Variants in ARHGAP20 observed in about 807,000 individuals in gnomAD.
ARHGAP20 encodes the protein Rho GTPase activating protein 20, also known as rho GTPase-activating protein 20.
ARHGAP20 carries 34 observed loss-of-function variants against 73.7 expected under a neutral mutation model. The ratio of observed to expected loss-of-function variants is 0.46; its 90% CI spans 0.35 to 0.61. The LOEUF (loss-of-function observed/expected upper bound fraction) is 0.61, where lower values mean the gene tolerates loss of function less well. ARHGAP20 is among the 20% of genes least tolerant of loss of function. The pLI is 0.00. For synonymous variants in ARHGAP20, 523 were observed against 518.2 expected (o/e 1.01, Z -0.13); for missense variants, 1,314 against 1,420.9 (o/e 0.92, Z 1.21).
intron 1 of ARHGAP20, chr11:110,711,702 C>T: frequency 7.0e-7 from 1 of 1,438,550 alleles, no homozygotes; most frequent in Non-Finnish European, 9.1e-7. Flanking sequence ...ATCGCCGGCC[C>T]TGACTTTGGG....
Position 110,598,902 on chromosome 11 carries a change from G to A in ARHGAP20, c.965-6747C>T, listed in dbSNP as rs563369379. ...GAGCAGGTGGGAGCCCTGCCCTCCC[G>A]GGTGGAGGTGCAGCCATCTGAGTTG... On this transcript the variant is annotated intron_variant, in intron 9 of 14. Transcript: ENST00000683387. Among the ~76,000 whole-genome samples, 256 of 151,310 alleles carry A rather than the reference G, an allele frequency of 1.7e-3. 1 individual carries two copies. The highest frequency in any genetic ancestry group is 5.0e-3 in the African/African-American group (205 of 41,216).
chr11:110,628,703 G>T (rs1367849535), intron 3 of ARHGAP20, among the ~76,000 whole-genome samples: 5 of 152,080 alleles, frequency 3.3e-5, no homozygotes, highest in African/African-American at 7.2e-5. Flanking sequence ...TCAATTGATA[G>T]AATTTTTTTC....
chr11:110,646,501 T>C (rs1949196767), intron 2 of ARHGAP20, among the ~76,000 whole-genome samples: 1 of 152,180 alleles, frequency 6.6e-6, no homozygotes, highest in Non-Finnish European at 1.5e-5. Context: ...CATTAGAGGC[T>C]TTGAAATAAA....
At chr11:110,649,444 G>A (rs896763068) in intron 2 of ARHGAP20, among the ~76,000 whole-genome samples, 3 of 151,974 alleles carry the variant, frequency 2.0e-5, no homozygotes, top group Middle Eastern at 3.4e-3. Flanking sequence ...AATATGTATT[G>A]AAAACAAAGT....
At chr11:110,672,499 T>C (rs1253037451) in intron 2 of ARHGAP20, among the ~76,000 whole-genome samples, 1 of 152,054 alleles carries the variant, frequency 6.6e-6, no homozygotes, top group Non-Finnish European at 1.5e-5. Flanking sequence ...TCTTTCGAGA[T>C]GGAGTCTTGT....
rs1165030128 is a variant in ARHGAP20, at chr11:110,656,101, T to A, written c.189-25309A>T. Reference sequence around the variant, plus strand: ...GATGCTAGAGAGTTTTTCTCACTGTTGATGCTCTCTCTACTTTCAACTTTC... The same window carrying A: ...GATGCTAGAGAGTTTTTCTCACTGTAGATGCTCTCTCTACTTTCAACTTTC... On this transcript the variant is annotated intron_variant, in intron 2 of 14. Transcript: ENST00000683387. Among the ~76,000 whole-genome samples, 4 of 152,292 alleles carry A rather than the reference T, an allele frequency of 2.6e-5. No individual in the cohort carries two copies. The South Asian group carries it at 8.3e-4, about 32-fold the overall frequency.
intron 2 of ARHGAP20, among the ~76,000 whole-genome samples, chr11:110,657,787 C>T (rs565894990): frequency 2.0e-5 from 3 of 151,672 alleles, no homozygotes; most frequent in East Asian, 1.9e-4. Context: ...CCCAGCTACA[C>T]GGGAGGCTAA....
intron 4 of ARHGAP20, 87 bp from the exon 5 acceptor site, chr11:110,615,681 T>C (rs983325675): frequency 4.1e-5 from 51 of 1,231,558 alleles, no homozygotes; most frequent in Non-Finnish European, 5.9e-5. Context: ...CAGATGAAAA[T>C]ATCAACAACC....
chr11:110,699,461 T>C (rs779134006), intron 1 of ARHGAP20, among the ~76,000 whole-genome samples: 5 of 151,860 alleles, frequency 3.3e-5, no homozygotes, highest in Non-Finnish European at 5.9e-5. Context: ...TCTTTGTTGA[T>C]TTTCTGCCTT....
At chr11:110,674,234 A>G (rs7122372) in intron 2 of ARHGAP20, among the ~76,000 whole-genome samples, 46,529 of 152,078 alleles carry the variant, frequency 0.31, 8,049 homozygotes, top group African/African-American at 0.48. Flanking sequence ...ACACCCAGCC[A>G]GCTATTTTAA....
chr11:110,624,011 A>G (rs553245066), intron 4 of ARHGAP20, 151 bp downstream of exon 4: 1 of 1,090,692 alleles, frequency 9.2e-7, no homozygotes, highest in East Asian at 2.8e-5. Context: ...ATGTGTCAAC[A>G]GATGAGTTAT....
intron 4 of ARHGAP20, among the ~76,000 whole-genome samples, chr11:110,620,539 A>G (rs2134921466): frequency 6.6e-6 from 1 of 152,242 alleles, no homozygotes; most frequent in South Asian, 2.1e-4. Flanking sequence ...ATGGATGATG[A>G]CCTAGATTTC....
chr11:110,628,073 T>C (rs768990798), intron 3 of ARHGAP20, among the ~76,000 whole-genome samples: 4 of 152,208 alleles, frequency 2.6e-5, no homozygotes, highest in Non-Finnish European at 5.9e-5. Flanking sequence ...CGTTTTACTG[T>C]TGTACTTACT....
chr11:110,632,774 T>C (rs1948885679), intron 2 of ARHGAP20, among the ~76,000 whole-genome samples: 1 of 152,226 alleles, frequency 6.6e-6, no homozygotes, highest in Admixed American at 6.5e-5. Context: ...TTGCATTATC[T>C]TCATTGGTGA....
chr11:110,642,167 T>G (rs76722840), intron 2 of ARHGAP20, among the ~76,000 whole-genome samples: 4,989 of 152,246 alleles, frequency 0.033, 192 homozygotes, highest in African/African-American at 0.09. Flanking sequence ...TTTACTGAAA[T>G]TGACCAGTTC....
At chr11:110,616,115 C>T (rs1948477012) in intron 4 of ARHGAP20, among the ~76,000 whole-genome samples, 1 of 151,708 alleles carries the variant, frequency 6.6e-6, no homozygotes, top group Non-Finnish European at 1.5e-5. Flanking sequence ...ATGGAAATCT[C>T]TTTGCCCAGA....
intron 2 of ARHGAP20, among the ~76,000 whole-genome samples, chr11:110,658,094 G>C (rs1376064647): frequency 6.6e-6 from 1 of 152,092 alleles, no homozygotes; most frequent in East Asian, 1.9e-4. Context: ...ATGTGACTTT[G>C]GATAGTTGAG....
At chr11:110,682,285 T>C (rs1419427797) in intron 2 of ARHGAP20, among the ~76,000 whole-genome samples, 5 of 152,200 alleles carry the variant, frequency 3.3e-5, no homozygotes, top group Non-Finnish European at 5.9e-5. Context: ...TACATACATA[T>C]GTAGCACTGA....
intron 11 of ARHGAP20, among the ~76,000 whole-genome samples, chr11:110,586,650 C>T (rs150412548): frequency 2.4e-3 from 373 of 152,268 alleles, no homozygotes; most frequent in Middle Eastern, 0.014. Context: ...ATCCTAAATT[C>T]CTTTTCCCCT....
Sources: gnomAD v4.1 joint callset for allele counts (sites outside exome capture counted in the v4.1 genomes callset) on GRCh38, gnomAD v4.1.1 for gene constraint, MANE v1.5 for transcripts, NCBI Gene and HGNC (gene_info 2026-07-23, HGNC 2026-07-21) for gene names.